Variants in MAGEA4 observed in about 807,000 individuals in gnomAD.
The protein encoded by MAGEA4 is melanoma-associated antigen 4.
Under a neutral mutation model 13.7 loss-of-function variants are expected in MAGEA4, and 1 was observed. The ratio of observed to expected loss-of-function variants is 0.07; its 90% CI spans 0.03 to 0.35. MAGEA4 has a LOEUF of 0.35. Ranked by LOEUF, MAGEA4 falls within the 10% of genes least tolerant of loss-of-function variation. The probability of loss-of-function intolerance (pLI) is 0.99; values close to 1 mark genes in which losing one functional copy is unlikely to be tolerated. For synonymous variants in MAGEA4, 132 were observed against 101.1 expected, an observed-to-expected ratio of 1.31 and a Z score of -1.83; for missense variants, 312 against 245.1, an observed-to-expected ratio of 1.27 and a Z score of -1.82.
Position 151,924,277 on chromosome X carries a change from A to G in MAGEA4, c.613A>G (p.Ile205Val), listed in dbSNP as rs753502144. 1.2e-5 allele frequency: 14 copies of G among 1,210,643 alleles called. No homozygotes were observed. In the South Asian group the frequency reaches 2.3e-4, roughly 20 times the overall value. The change falls in exon 3 of 3, where the codon ATC becomes GTC. Residue 205 changes from isoleucine to valine, a missense_variant. Physicochemically the swap from Ile to Val is conservative, Grantham distance 29. Transcript: ENST00000276344. ...CTTTCCCAAGACAGGCCTTCTGATAATCGTCCTGGGCACAATTGCAATGGA... is the reference window on the plus strand; with the variant it reads ...CTTTCCCAAGACAGGCCTTCTGATAGTCGTCCTGGGCACAATTGCAATGGA... ...QIFPKTGLLI[I>V]VLGTIAMEGD...
At position 151,923,474 on chromosome X, in the gene MAGEA4, CGGA is replaced by C. The variant is rs1569449050; in HGVS notation, c.-112_-110del. 4 of 1,194,500 alleles carry C rather than the reference CGGA, an allele frequency of 3.3e-6. No homozygotes were observed. In the Admixed American group the frequency reaches 8.8e-5, roughly 26 times the overall value. ...TCAGGTTCTGAGCAGACAGGCCAAC[CGGA>C]GGACAGGATTCCCTGGAGGCCACAG... On this transcript the variant is annotated 5_prime_UTR_variant, in exon 2 of 3. Transcript: ENST00000276344.
chrX:151,922,159 A>C (rs950594839), intron 1 of MAGEA4, among the ~76,000 whole-genome samples: 3 of 111,027 alleles, frequency 2.7e-5, no homozygotes, highest in African/African-American at 9.8e-5. Flanking sequence ...TACAGGACCC[A>C]AGGTGTGCCA....
Position 151,923,782 on chromosome X carries a change from G to C in MAGEA4, c.118G>C (p.Val40Leu), listed in dbSNP as rs1332162382. 8.3e-7 allele frequency: 1 copy of C among 1,208,233 alleles called. No individual in the cohort carries two copies. The highest frequency in any genetic ancestry group is 2.2e-5 in the Admixed American group (1 of 45,850). The stretch of plus-strand genomic sequence containing the variant: ...TACTACTGAGGAGCAGGAGGCTGCT[G>C]TCTCCTCCTCCTCTCCTCTGGTCCC... ...APTTEEQEAA[V>L]SSSSPLVPGT... The change falls in exon 3 of 3, where the codon GTC becomes CTC. Residue 40 changes from valine to leucine, a missense_variant. Transcript: ENST00000276344.
rs772283795 is a variant in MAGEA4, at chrX:151,924,442, C to T, written c.778C>T (p.Arg260Trp). 4.1e-5 allele frequency: 49 copies of T among 1,209,840 alleles called. No homozygotes were observed. Among genetic ancestry groups the T allele is most frequent in the Non-Finnish European group, 2.0e-5 (18 of 895,029 alleles). ...DWVQENYLEY[R>W]QVPGSNPARY... ...GGTGCAGGAAAACTACCTGGAGTAC[C>T]GGCAGGTACCCGGCAGTAATCCTGC... The change falls in exon 3 of 3, where the codon CGG (arginine) becomes TGG (tryptophan). Residue 260 changes from arginine (R) to tryptophan (W), a missense_variant. Transcript: ENST00000276344.
At chrX:151,921,186 C>G (rs7058335) in intron 1 of MAGEA4, among the ~76,000 whole-genome samples, 2,733 of 112,511 alleles carry the variant, frequency 0.024, 78 homozygotes, top group African/African-American at 0.083. Context: ...GCCCTCCACC[C>G]TCACCAGGCA....
In MAGEA4 at chrX:151,923,783, T is replaced by A. The variant is rs773721297; in HGVS notation, c.119T>A (p.Val40Asp). 19 of 1,206,337 alleles carry A rather than the reference T, an allele frequency of 1.6e-5. No homozygotes were observed. The highest frequency in any genetic ancestry group is 2.1e-5 in the Non-Finnish European group (19 of 893,577). Residue 40 changes from valine to aspartate, a missense_variant, in exon 3 of 3, where the codon GTC (valine) becomes GAC (aspartate). Transcript: ENST00000276344. ...ACTACTGAGGAGCAGGAGGCTGCTG[T>A]CTCCTCCTCCTCTCCTCTGGTCCCT... ...APTTEEQEAA[V>D]SSSSPLVPGT...
intron 1 of MAGEA4, among the ~76,000 whole-genome samples, chrX:151,922,824 C>T (rs1279054167): frequency 9.0e-6 from 1 of 111,161 alleles, no homozygotes; most frequent in African/African-American, 3.3e-5. Flanking sequence ...GCACCCAGGT[C>T]AGTAGAGGGA....
At chrX:151,918,881 C>G (rs1280691487) in intron 1 of MAGEA4, 125 of 620,895 alleles carry the variant, frequency 2.0e-4, no homozygotes, top group Non-Finnish European at 2.3e-4. Context: ...CACGCTGAAT[C>G]TGATTTCTGG....
intron 1 of MAGEA4, among the ~76,000 whole-genome samples, chrX:151,922,083 AGAGAG>A (rs1285505994): frequency 9.0e-6 from 1 of 111,148 alleles, no homozygotes; most frequent in Non-Finnish European, 1.9e-5. Context: ...TCGAGGTCAC[AGAGAG>A]GAGAGGGCTA....
At chrX:151,912,568 A>G (rs1831033525), upstream of MAGEA4, 1 of 358,396 alleles carries the variant, frequency 2.8e-6, no homozygotes, top group Non-Finnish European at 5.4e-6. Flanking sequence ...GCCAGGCGTC[A>G]AAGTCAGGAC....
At position 151,918,948 on chromosome X, in the gene MAGEA4, G is replaced by A. The variant is rs1180492177; in HGVS notation, c.-137-4505G>A. The A allele has an allele frequency of 4.0e-6, 3 of 747,379 alleles. No individual in the cohort carries two copies. In the East Asian group the frequency reaches 4.7e-4, roughly 118 times the overall value. 61.6% of individuals were successfully genotyped at this position (747,379 alleles called of 1,213,427 possible). On this transcript the variant is annotated intron_variant, in intron 1 of 2. Coordinates refer to ENST00000276344, the MANE Select transcript of MAGEA4 (RefSeq NM_001011548.1). The stretch of plus-strand genomic sequence containing the variant: ...CCCGGATGTGATGCCACTGACTTGC[G>A]CATTCGGGGTTAGAGAGAAGCGAGC...
At chrX:151,919,897 G>A (rs1000707115) in intron 1 of MAGEA4, among the ~76,000 whole-genome samples, 2 of 110,681 alleles carry the variant, frequency 1.8e-5, no homozygotes, top group African/African-American at 3.3e-5. Context: ...AGAGCTTGGG[G>A]TGATCAGTGC....
At position 151,924,734 on chromosome X, in the gene MAGEA4, T is replaced by C. The variant is rs1248126019; in HGVS notation, c.*116T>C. On this transcript the variant is annotated 3_prime_UTR_variant, in exon 3 of 3. Coordinates refer to ENST00000276344, the MANE Select transcript of MAGEA4 (RefSeq NM_001011548.1). Reference sequence around the variant, plus strand: ...ACATGAGGCCCATTCTTCACTCTGTTTGAAGAAAATAGTCAGTGTTCTTAG... The same window carrying C: ...ACATGAGGCCCATTCTTCACTCTGTCTGAAGAAAATAGTCAGTGTTCTTAG... The C allele has an allele frequency of 3.9e-6, 3 of 765,238 alleles. No individual in the cohort carries two copies. The highest frequency in any genetic ancestry group is 5.5e-6 in the Non-Finnish European group (3 of 548,756). The allele number at this position is 765,238 out of a possible 1,213,427, so 63.1% of individuals were successfully genotyped here.
chrX:151,914,023 C>T (rs1417743425), intron 1 of MAGEA4: 1 of 65,602 alleles, frequency 1.5e-5, no homozygotes, highest in African/African-American at 6.1e-5. Flanking sequence ...CACCCCCATC[C>T]ACACTGAATC....
At chrX:151,918,053 C>G (rs1933153527) in intron 1 of MAGEA4, among the ~76,000 whole-genome samples, 1 of 60,266 alleles carries the variant, frequency 1.7e-5, no homozygotes, top group African/African-American at 6.6e-5. Context: ...ATACCGCCAT[C>G]TGCCACCCCA....
At chrX:151,921,635 C>T (rs1284087852) in intron 1 of MAGEA4, among the ~76,000 whole-genome samples, 2 of 112,418 alleles carry the variant, frequency 1.8e-5, no homozygotes, top group African/African-American at 6.5e-5. Context: ...GCCCCATCCC[C>T]AACTCCGTTT....
In MAGEA4 at chrX:151,923,918, A is replaced by G. The variant is rs377413340; in HGVS notation, c.254A>G (p.Asn85Ser). 62 of 1,209,373 alleles carry G rather than the reference A, an allele frequency of 5.1e-5. No homozygotes were observed. In the Middle Eastern group the frequency reaches 6.9e-4, roughly 13 times the overall value. The change falls in exon 3 of 3, where the codon AAT (asparagine) becomes AGT (serine). Residue 85 changes from asparagine (N) to serine (S), a missense_variant. Asn to Ser is a conservative substitution (Grantham distance 46). Transcript: ENST00000276344. Reference sequence around the variant, plus strand: ...AGCTTCACTTGCTGGAGGCAACCCAATGAGGGTTCCAGCAGCCAAGAAGAG... The same window carrying G: ...AGCTTCACTTGCTGGAGGCAACCCAGTGAGGGTTCCAGCAGCCAAGAAGAG... ...TISFTCWRQP[N>S]EGSSSQEEEG...
In MAGEA4 at chrX:151,919,100, G is replaced by A. The variant is rs73639008; in HGVS notation, c.-137-4353G>A. The A allele has an allele frequency of 9.6e-3, 7,001 of 732,554 alleles. 403 individuals are homozygous for A. In the African/African-American group the frequency reaches 0.16, roughly 17 times the overall value. The allele number at this position is 732,554 out of a possible 1,213,427, so 60.4% of individuals were successfully genotyped here. On this transcript the variant is annotated intron_variant, in intron 1 of 2. Transcript: ENST00000276344. ...CAGATAGACGACCCCAAATAATCCC[G>A]CACCACTCCTGCTACCAGCCGTGGG...
At chrX:151,913,770 G>A (rs1490786244) in intron 1 of MAGEA4, 1 of 236,668 alleles carries the variant, frequency 4.2e-6, no homozygotes, top group Admixed American at 9.4e-5. Flanking sequence ...GGGTTGATTA[G>A]TGTAAGACTA....
Sources: gnomAD v4.1 joint callset for allele counts (sites outside exome capture counted in the v4.1 genomes callset) on GRCh38, gnomAD v4.1.1 for gene constraint, MANE v1.5 for transcripts, NCBI Gene and HGNC (gene_info 2026-07-23, HGNC 2026-07-21) for gene names.